EPYC: variants seen among roughly 807,000 people sequenced by gnomAD.
EPYC encodes dermatan sulfate proteoglycan 3.
Under a neutral mutation model 30.1 loss-of-function variants are expected in EPYC, and 28 were observed. The ratio of observed to expected loss-of-function variants is 0.93; its 90% CI spans 0.69 to 1.28. The LOEUF is 1.28. Among genes scored for constraint, EPYC ranks in the 50% most tolerant of loss-of-function variants. EPYC has a pLI of 0.00. For missense variants in EPYC, 382 were observed against 383.5 expected (o/e 1.00, Z 0.03); for synonymous variants, 144 against 141.4 (o/e 1.02, Z -0.13).
chr12:90,974,977 T>G (rs1369380836), intron 3 of EPYC, among the ~76,000 whole-genome samples: 2 of 152,136 alleles, frequency 1.3e-5, no homozygotes, highest in Non-Finnish European at 2.9e-5. Flanking sequence ...AAGACACTTG[T>G]GTTGGGAACT....
intron 2 of EPYC, among the ~76,000 whole-genome samples, chr12:90,979,168 G>T (rs901788647): frequency 6.6e-6 from 1 of 151,982 alleles, no homozygotes. Flanking sequence ...TTTCTTTGTG[G>T]TACTTAGTAA....
chr12:90,966,440 T>C (rs1055173704), intron 6 of EPYC, among the ~76,000 whole-genome samples: 3 of 152,076 alleles, frequency 2.0e-5, no homozygotes, highest in African/African-American at 7.2e-5. Context: ...TATATTACAT[T>C]GGTTGATTTT....
intron 4 of EPYC, among the ~76,000 whole-genome samples, chr12:90,972,331 A>C (rs1055401625): frequency 6.6e-6 from 1 of 152,190 alleles, no homozygotes; most frequent in Non-Finnish European, 1.5e-5. Context: ...TCAAAGATAC[A>C]GGCATTAGAA....
chr12:90,983,631 C>T (rs1222273208), intron 2 of EPYC, among the ~76,000 whole-genome samples: 2 of 152,094 alleles, frequency 1.3e-5, no homozygotes, highest in Non-Finnish European at 2.9e-5. Context: ...GCGAGGAACT[C>T]TCAAAGTCAC....
At position 90,971,966 on chromosome 12, in the gene EPYC, A is replaced by G; in HGVS notation, c.536T>C (p.Ile179Thr). 4 of 1,604,614 alleles carry G rather than the reference A, an allele frequency of 2.5e-6. No individual in the cohort carries two copies. The highest frequency in any genetic ancestry group is 3.4e-6 in the Non-Finnish European group (4 of 1,174,824). The change falls in exon 5 of 7, where the codon ATA (isoleucine) becomes ACA (threonine). Residue 179 changes from isoleucine to threonine, a missense_variant. Coordinates refer to ENST00000261172, the MANE Select transcript of EPYC (RefSeq NM_004950.5). ...LKRIDLTSNL[I>T]SEIDEDAFRK... ...GAATGCATCTTCATCAATCTCAGAT[A>G]TTAAATTTGATGTCAGATCAATCCT...
intron 5 of EPYC, among the ~76,000 whole-genome samples, chr12:90,971,196 C>T (rs1877034507): frequency 1.3e-5 from 2 of 152,070 alleles, no homozygotes; most frequent in South Asian, 4.2e-4. Context: ...CCAGGTGCTC[C>T]TGTAGATGGT....
intron 2 of EPYC, among the ~76,000 whole-genome samples, chr12:90,980,187 T>A (rs925081903): frequency 1.3e-5 from 2 of 152,132 alleles, no homozygotes; most frequent in Non-Finnish European, 2.9e-5. Context: ...AGAAACAAAT[T>A]CCAGACACGT....
intron 6 of EPYC, among the ~76,000 whole-genome samples, chr12:90,965,892 A>G (rs1876882233): frequency 6.6e-6 from 1 of 151,950 alleles, no homozygotes; most frequent in African/African-American, 2.4e-5. Flanking sequence ...ACTATTATAA[A>G]CAGGATTGTT....
At chr12:90,987,533 T>C (rs1018510948) in intron 2 of EPYC, among the ~76,000 whole-genome samples, 1 of 152,180 alleles carries the variant, frequency 6.6e-6, no homozygotes, top group Non-Finnish European at 1.5e-5. Context: ...GGTATGAAAA[T>C]ACATTAGCTA....
At chr12:91,004,270 T>A (rs1292582686) in intron 1 of EPYC, among the ~76,000 whole-genome samples, 1 of 152,118 alleles carries the variant, frequency 6.6e-6, no homozygotes, top group East Asian at 1.9e-4. Context: ...TACATATAGC[T>A]ACATCTCAGA....
intron 2 of EPYC, 78 bp downstream of exon 2, chr12:91,002,323 A>G: frequency 7.9e-7 from 1 of 1,269,112 alleles, no homozygotes. Flanking sequence ...AAACCCAAAC[A>G]TCTATTTGAG....
intron 3 of EPYC, among the ~76,000 whole-genome samples, chr12:90,975,764 C>A (rs1683614008): frequency 6.6e-6 from 1 of 151,968 alleles, no homozygotes; most frequent in Non-Finnish European, 1.5e-5. Flanking sequence ...TTTAATTTTC[C>A]TATTTTGGGT....
chr12:90,966,824 C>T (rs1038303150), intron 6 of EPYC, among the ~76,000 whole-genome samples: 2 of 151,974 alleles, frequency 1.3e-5, no homozygotes, highest in African/African-American at 2.4e-5. Context: ...CTTATTATAG[C>T]TCTATTCAGA....
chr12:90,972,953 C>G lies in EPYC; in HGVS notation c.368G>C (p.Cys123Ser). The change falls in exon 4 of 7, where the codon TGT becomes TCT. Residue 123 changes from cysteine to serine, a missense_variant. Transcript: ENST00000261172. Reference sequence around the variant, plus strand: ...ATCACAGTACACGGTGGTACTTATACAAGTACACAAAAGACAGGTTGGAAA... The same window carrying G: ...ATCACAGTACACGGTGGTACTTATAGAAGTACACAAAAGACAGGTTGGAAA... ...EDFPTCLLCT[C>S]ISTTVYCDDH... 6.2e-7 allele frequency: 1 copy of G among 1,600,346 alleles called. No homozygotes were observed. The highest frequency in any genetic ancestry group is 8.5e-7 in the Non-Finnish European group (1 of 1,171,970).
At position 91,002,472 on chromosome 12, in the gene EPYC, T is replaced by G. The variant is rs1336036833; in HGVS notation, c.94A>C (p.Thr32Pro). The G allele has an allele frequency of 1.2e-6, 2 of 1,613,390 alleles. No individual in the cohort carries two copies. Among genetic ancestry groups the G allele is most frequent in the Non-Finnish European group, 1.7e-6 (2 of 1,179,596 alleles). ...AGGTCTTCTAAGGTGGCATCATAGG[T>G]TTCTGAGTCATAGTTGATGGACTCT... The part of the protein sequence containing the change: ...TLESINYDSE[T>P]YDATLEDLDN... Residue 32 changes from threonine (T) to proline (P), a missense_variant, in exon 2 of 7, where the codon ACC becomes CCC. Coordinates refer to ENST00000261172, the MANE Select transcript of EPYC (RefSeq NM_004950.5).
intron 2 of EPYC, among the ~76,000 whole-genome samples, chr12:90,989,200 G>GA (rs1877523603): frequency 6.6e-6 from 1 of 151,900 alleles, no homozygotes; most frequent in African/African-American, 2.4e-5. Flanking sequence ...ATTGACATTA[G>GA]AAAAAATAAA....
Position 90,964,262 on chromosome 12 carries a change from C to A in EPYC, c.863G>T (p.Arg288Leu). 1 of 1,612,756 alleles carries A rather than the reference C, an allele frequency of 6.2e-7. No homozygotes were observed. The highest frequency in any genetic ancestry group is 8.5e-7 in the Non-Finnish European group (1 of 1,179,024). Residue 288 changes from arginine (R) to leucine (L), a missense_variant, in exon 7 of 7, where the codon CGT (arginine) becomes CTT (leucine). Coordinates refer to ENST00000261172, the MANE Select transcript of EPYC (RefSeq NM_004950.5). ...FCNVKNLTYIRKALEDIRLDG... is the reference protein window; with the variant it reads ...FCNVKNLTYILKALEDIRLDG... ...CAATCGAATGTCCTCTAGTGCCTTA[C>A]GAATATAAGTCAAATTTTTAACATT...
At chr12:91,001,939 A>T (rs1197131772) in intron 2 of EPYC, among the ~76,000 whole-genome samples, 1 of 152,034 alleles carries the variant, frequency 6.6e-6, no homozygotes, top group Non-Finnish European at 1.5e-5. Context: ...CTGTAATCCC[A>T]GCATTTGGGA....
intron 2 of EPYC, among the ~76,000 whole-genome samples, chr12:90,991,428 A>C (rs538693823): frequency 6.6e-6 from 1 of 152,286 alleles, no homozygotes; most frequent in South Asian, 2.1e-4. Context: ...ATGGGACAAC[A>C]TATCCAATTA....
Sources: gnomAD v4.1 joint callset for allele counts (sites outside exome capture counted in the v4.1 genomes callset) on GRCh38, gnomAD v4.1.1 for gene constraint, MANE v1.5 for transcripts, NCBI Gene and HGNC (gene_info 2026-07-23, HGNC 2026-07-21) for gene names.